ZNF184: variants seen among roughly 807,000 people sequenced by gnomAD.
ZNF184 encodes the protein zinc finger protein 184.
ZNF184 carries 16 observed loss-of-function variants against 54.4 expected under a neutral mutation model. The observed-to-expected ratio is 0.29, with a 90% CI of 0.20 to 0.45. The LOEUF is 0.45. Among genes scored for constraint, ZNF184 ranks in the 20% least tolerant of loss-of-function variants. ZNF184 has a pLI of 1.00. For synonymous variants in ZNF184, 254 were observed against 295.3 expected, an observed-to-expected ratio of 0.86 and a Z score of 1.43; for missense variants, 681 against 888.2, an observed-to-expected ratio of 0.77 and a Z score of 2.97.
At chr6:27,409,588 A>G in the ZNF184 span, among the ~76,000 whole-genome samples, 5,412 of 151,996 alleles carry the variant, frequency 0.036, 205 homozygotes, top group African/African-American at 0.094. Flanking sequence ...AAGTATTTGT[A>G]CAGTCAGAGC....
At chr6:27,414,061 T>C in the ZNF184 span, among the ~76,000 whole-genome samples, 5,270 of 152,250 alleles carry the variant, frequency 0.035, 186 homozygotes, top group African/African-American at 0.091. Context: ...CACAACTTCA[T>C]AGTCTAAAAT....
intron 3 of ZNF184, among the ~76,000 whole-genome samples, chr6:27,463,754 A>G (rs1763057686): frequency 6.6e-6 from 1 of 152,152 alleles, no homozygotes; most frequent in African/African-American, 2.4e-5. Flanking sequence ...GTTAGAAACA[A>G]TGGACACTGG....
chr6:27,468,185 A>T (rs1763190244), intron 2 of ZNF184, among the ~76,000 whole-genome samples: 1 of 152,194 alleles, frequency 6.6e-6, no homozygotes, highest in African/African-American at 2.4e-5. Context: ...TATGTTCCTC[A>T]TTAAATGAGG....
the ZNF184 span, among the ~76,000 whole-genome samples, chr6:27,415,400 T>C: frequency 6.6e-6 from 1 of 152,208 alleles, no homozygotes; most frequent in African/African-American, 2.4e-5. Flanking sequence ...TTTCTGTTAC[T>C]GGAAAAGACT....
downstream of ZNF184, among the ~76,000 whole-genome samples, chr6:27,450,223 C>G (rs1762684211): frequency 6.6e-6 from 1 of 152,180 alleles, no homozygotes; most frequent in African/African-American, 2.4e-5. Context: ...GTCCTATCTC[C>G]TAAGGCAATT....
At chr6:27,459,951 C>G (rs1321751337) in intron 3 of ZNF184, among the ~76,000 whole-genome samples, 1 of 152,030 alleles carries the variant, frequency 6.6e-6, no homozygotes, top group Non-Finnish European at 1.5e-5. Flanking sequence ...CTGCTTGAGC[C>G]CAAGAGTTCA....
the ZNF184 span, among the ~76,000 whole-genome samples, chr6:27,409,521 A>AC: frequency 6.7e-6 from 1 of 148,960 alleles, no homozygotes; most frequent in East Asian, 1.9e-4. Flanking sequence ...AAAAAAAAAA[A>AC]CACAAAACAA....
At chr6:27,458,923 A>G (rs1762932078) in intron 3 of ZNF184, among the ~76,000 whole-genome samples, 1 of 152,256 alleles carries the variant, frequency 6.6e-6, no homozygotes, top group Non-Finnish European at 1.5e-5. Flanking sequence ...AAATCTTGTC[A>G]TTAGTGGTAA....
At chr6:27,405,054 G>A in the ZNF184 span, 1 of 151,692 alleles carries the variant, frequency 6.6e-6, no homozygotes, top group African/African-American at 2.4e-5. Context: ...TGATAGGAAA[G>A]TACTATATCA....
rs1394038577 is a variant in ZNF184 at position 27,473,008 on chromosome 6, C to G, written c.-419G>C. ...CTCCCCCTATAGCGATCCACACACT[C>G]TGATCCCGGGTCCGGAAGCGCATTG... is the stretch of plus-strand genomic sequence containing the variant. On this transcript the variant is annotated 5_prime_UTR_variant, in exon 1 of 6. Transcript: ENST00000683788. The G allele has an allele frequency of 6.6e-6, 1 of 152,424 alleles. No individual in the cohort carries two copies. The allele number at this position is 152,424 out of a possible 1,614,324, so 9.4% of individuals were successfully genotyped here.
the ZNF184 span, among the ~76,000 whole-genome samples, chr6:27,443,959 C>T: frequency 2.6e-5 from 4 of 152,166 alleles, no homozygotes; most frequent in African/African-American, 9.7e-5. Flanking sequence ...CACTCCTGCT[C>T]TCATGTACCT....
At chr6:27,425,105 C>T in the ZNF184 span, among the ~76,000 whole-genome samples, 1 of 152,210 alleles carries the variant, frequency 6.6e-6, no homozygotes, top group African/African-American at 2.4e-5. Flanking sequence ...CCGCCAGGGC[C>T]GGCCGGCTGC....
chr6:27,462,307 G>A (rs1208824460), intron 3 of ZNF184, among the ~76,000 whole-genome samples: 1 of 151,442 alleles, frequency 6.6e-6, no homozygotes, highest in Non-Finnish European at 1.5e-5. Context: ...ACGCCATTCT[G>A]CTGCCTCAGC....
At chr6:27,415,734 A>C in the ZNF184 span, among the ~76,000 whole-genome samples, 1 of 152,174 alleles carries the variant, frequency 6.6e-6, no homozygotes, top group Non-Finnish European at 1.5e-5. Flanking sequence ...GCGGTTGAAA[A>C]AGTGGGCTCT....
the ZNF184 span, among the ~76,000 whole-genome samples, chr6:27,407,428 TC>T: frequency 6.6e-6 from 1 of 152,038 alleles, no homozygotes; most frequent in African/African-American, 2.4e-5. Flanking sequence ...GGTTCCCGGC[TC>T]CCCCTGCCCA....
intron 3 of ZNF184, among the ~76,000 whole-genome samples, chr6:27,458,242 A>G (rs1762909377): frequency 6.6e-6 from 1 of 151,526 alleles, no homozygotes; most frequent in Admixed American, 6.6e-5. Flanking sequence ...TAACAATGTA[A>G]AACATCTATA....
intron 3 of ZNF184, among the ~76,000 whole-genome samples, chr6:27,460,819 G>A (rs1762976038): frequency 6.6e-6 from 1 of 152,176 alleles, no homozygotes; most frequent in Non-Finnish European, 1.5e-5. Context: ...TTTAGGAGCA[G>A]GGCAAGTCTA....
Position 27,452,796 on chromosome 6 carries a change from A to G in ZNF184, c.763T>C (p.Cys255Arg). ...TCACTCCGGCTGAAGGCTTTTTCAC[A>G]TTCATTACATTTGTAGGGTTTTTCT... ...TGEKPYKCNE[C>R]EKAFSRSENL... Residue 255 changes from cysteine (C) to arginine (R), a missense_variant, in exon 6 of 6, where the codon TGT becomes CGT. Coordinates refer to ENST00000683788, the MANE Select transcript of ZNF184 (RefSeq NM_001318891.2). This position sits in a 1 kb window ranked among gnomAD's most constrained non-coding sequence, Gnocchi z 5.5. 6.2e-7 allele frequency: 1 copy of G among 1,613,256 alleles called. No homozygotes were observed. Among genetic ancestry groups the G allele is most frequent in the Non-Finnish European group, 8.5e-7 (1 of 1,179,796 alleles).
At chr6:27,470,571 G>A (rs1483888797) in intron 2 of ZNF184, among the ~76,000 whole-genome samples, 2 of 152,104 alleles carry the variant, frequency 1.3e-5, no homozygotes, top group Admixed American at 6.5e-5. Context: ...ATATTATCTT[G>A]GAAGCTCTTA....
Sources: allele counts gnomAD v4.1 joint callset (sites outside exome capture counted in the v4.1 genomes callset), GRCh38; gene constraint gnomAD v4.1.1; non-coding constraint Gnocchi (gnomAD v3.1); transcripts MANE v1.5; gene names NCBI Gene and HGNC (gene_info 2026-07-23, HGNC 2026-07-21).